Variants in RPL3 observed in about 807,000 individuals in gnomAD.
RPL3 encodes the protein ribosomal protein L3.
A neutral mutation model predicts 46.0 loss-of-function variants in RPL3; 3 were observed. The observed-to-expected ratio is 0.07, with a 90% CI of 0.03 to 0.17. RPL3 has a LOEUF of 0.17. Among genes scored for constraint, RPL3 ranks in the 10% least tolerant of loss-of-function variants. RPL3 has a pLI of 1.00. For synonymous variants in RPL3, 224 were observed against 190.8 expected, an observed-to-expected ratio of 1.17 and a Z score of -1.43; for missense variants, 387 against 532.7, an observed-to-expected ratio of 0.73 and a Z score of 2.69.
rs368072771 is a variant in RPL3, at chr22:39,315,463, G to T, written c.594C>A (p.Arg198=). ...CAGGTACCTGCTGCTCAAGCCTCTC[G>T]CGGGCCCAGTCCAGCTTCTCGGCCA... ...GTVAEKLDWA[R]ERLEQQVPVN... is the part of the protein sequence containing the mutation. The change falls in exon 5 of 10, where the codon CGC becomes CGA. Residue 198 remains arginine, a synonymous_variant. Transcript: ENST00000216146. 1 of 1,613,874 alleles carries T rather than the reference G, an allele frequency of 6.2e-7. No homozygotes were observed.
Position 39,318,933 on chromosome 22 carries a change from G to A in RPL3, c.4-341C>T, listed in dbSNP as rs1277469380. ...AATTAGCAAGGTTTTGACCGCTAAA[G>A]AAAGGGACTCCCGGGACAAACGCTG... is the stretch of plus-strand genomic sequence containing the variant. On this transcript the variant is annotated intron_variant, in intron 1 of 9. Transcript: ENST00000216146. The A allele has an allele frequency of 4.2e-5, 21 of 502,668 alleles. 1 individual carries two copies. Among genetic ancestry groups the A allele is most frequent in the South Asian group, 2.8e-4 (19 of 67,328 alleles). 31.1% of individuals were successfully genotyped at this position (502,668 alleles called of 1,614,324 possible). A position where few individuals can be genotyped will look rare whatever the true frequency, so the allele number is the denominator to read the frequency against.
In RPL3 at chr22:39,315,462, C is replaced by T. The variant is rs748725995; in HGVS notation, c.595G>A (p.Glu199Lys). 1.9e-5 allele frequency: 30 copies of T among 1,613,938 alleles called. No homozygotes were observed. Among genetic ancestry groups the T allele is most frequent in the Non-Finnish European group, 2.2e-5 (26 of 1,180,050 alleles). ...TVAEKLDWAR[E>K]RLEQQVPVNQ... ...ACAGGTACCTGCTGCTCAAGCCTCT[C>T]GCGGGCCCAGTCCAGCTTCTCGGCC... The change falls in exon 5 of 10, where the codon GAG becomes AAG. Residue 199 changes from glutamate to lysine, a missense_variant. Around this residue, in one of 5 missense-constraint regions of RPL3, gnomAD observed 48 missense variants for 80.7 expected, o/e 0.60. Coordinates refer to ENST00000216146, the MANE Select transcript of RPL3 (RefSeq NM_000967.4).
At chr22:39,314,063 C>A in intron 7 of RPL3, 44 bp downstream of exon 7, 1 of 1,541,124 alleles carries the variant, frequency 6.5e-7, no homozygotes, top group East Asian at 2.2e-5. Flanking sequence ...CCCAAAAGCA[C>A]GAGGCCTGGG....
At chr22:39,319,108 T>C (rs745903905) in intron 1 of RPL3, 1 of 538,804 alleles carries the variant, frequency 1.9e-6, no homozygotes, top group Non-Finnish European at 3.8e-6. Context: ...AAGTTCATCA[T>C]CTGTGGTTTC....
chr22:39,316,960 A>C lies in RPL3; in HGVS notation c.366-119T>G, dbSNP rs1329088996. On this transcript the variant is annotated intron_variant, in intron 3 of 9. Transcript: ENST00000216146. ...GGATGGAGCTCATTGCCGGCTTCTA[A>C]GGAGCCTTTTCCACCAGCAAGCGGA... 2.6e-6 allele frequency: 4 copies of C among 1,537,222 alleles called. No homozygotes were observed. The East Asian group carries it at 6.7e-5, about 26-fold the overall frequency.
intron 3 of RPL3, chr22:39,317,136 A>G (rs1018571020): frequency 6.8e-6 from 4 of 585,766 alleles, no homozygotes; most frequent in South Asian, 2.0e-5. Flanking sequence ...GAAATGGGAC[A>G]TTCCACCCAG....
Position 39,314,264 on chromosome 22 carries a change from T to C in RPL3, c.850-56A>G, listed in dbSNP as rs149864711. On this transcript the variant is annotated intron_variant, in intron 6 of 9. Transcript: ENST00000216146. The stretch of plus-strand genomic sequence containing the variant: ...GCATTAGGGACAAATAACCCAGACA[T>C]GCCAGTGTGCTGACCTGCAAAGCAC... 6.4e-3 allele frequency: 9,389 copies of C among 1,471,244 alleles called. 483 individuals are homozygous for C. The South Asian group carries it at 0.09, about 14-fold the overall frequency. 91.1% of individuals were successfully genotyped at this position (1,471,244 alleles called of 1,614,324 possible).
chr22:39,313,529 C>T (rs1242487660), intron 8 of RPL3, 105 bp downstream of exon 8: 37 of 1,283,320 alleles, frequency 2.9e-5, no homozygotes, highest in Non-Finnish European at 4.0e-5. Flanking sequence ...GGACTGCCAA[C>T]ACCCTCTCCT....
intron 9 of RPL3, 57 bp downstream of exon 9, chr22:39,313,134 G>A: frequency 6.3e-7 from 1 of 1,599,104 alleles, no homozygotes; most frequent in Non-Finnish European, 8.5e-7. Context: ...TGGAGCCAAA[G>A]GCAGGCGGCT....
intron 8 of RPL3, 109 bp downstream of exon 8, chr22:39,313,525 C>T: frequency 7.9e-7 from 1 of 1,271,500 alleles, no homozygotes; most frequent in Non-Finnish European, 1.1e-6. Flanking sequence ...GAAAGGACTG[C>T]CAACACCCTC....
chr22:39,314,961 T>C (rs1426341701), intron 5 of RPL3, 115 bp from the exon 6 acceptor site: 6 of 1,401,224 alleles, frequency 4.3e-6, no homozygotes, highest in Non-Finnish European at 5.9e-6. Context: ...ATAAGATTAT[T>C]TCATGTGCAT....
intron 8 of RPL3, 110 bp downstream of exon 8, chr22:39,313,524 G>A (rs544981843): frequency 1.4e-5 from 18 of 1,267,246 alleles, no homozygotes; most frequent in Admixed American, 1.1e-4. Context: ...TGAAAGGACT[G>A]CCAACACCCT....
chr22:39,313,589 TC>T, intron 8 of RPL3, 44 bp downstream of exon 8: 1 of 1,576,424 alleles, frequency 6.3e-7, no homozygotes, highest in South Asian at 1.1e-5. Flanking sequence ...CCTTGGATCC[TC>T]CCTCTACAAG....
chr22:39,317,477 G>A lies in RPL3; in HGVS notation c.349C>T (p.Arg117Cys), dbSNP rs11547984. Residue 117 changes from arginine to cysteine, a missense_variant, in exon 3 of 10, where the codon CGT becomes TGT. Around this residue, in one of 5 missense-constraint regions of RPL3, gnomAD observed 196 missense variants for 217.5 expected, o/e 0.90. Transcript: ENST00000216146. ...CTCCCTTACCAATTCTTATAGAAAC[G>A]CCTCTTGCATTCATCACTGATGTGC... ...AEHISDECKRRFYKNWHKSKK... is the reference protein window; with the variant it reads ...AEHISDECKRCFYKNWHKSKK... 2.8e-5 allele frequency: 45 copies of A among 1,613,614 alleles called. No homozygotes were observed. The highest frequency in any genetic ancestry group is 3.8e-5 in the Non-Finnish European group (45 of 1,179,658).
At chr22:39,313,391 G>A in intron 8 of RPL3, 81 bp from the exon 9 acceptor site, 2 of 1,580,076 alleles carry the variant, frequency 1.3e-6, no homozygotes, top group Non-Finnish European at 1.7e-6. Context: ...CCCTGCATCT[G>A]GGAAGCCACA....
intron 5 of RPL3, 134 bp downstream of exon 5, chr22:39,315,235 T>C (rs769961443): frequency 9.6e-6 from 12 of 1,255,390 alleles, no homozygotes; most frequent in South Asian, 1.2e-5. Flanking sequence ...AGGAAGGCAG[T>C]AGAGAATGGT....
In RPL3 at chr22:39,319,612, C is replaced by T. The variant is rs777993944; in HGVS notation, c.-15G>A. 7.1e-6 allele frequency: 11 copies of T among 1,554,510 alleles called. 1 individual carries two copies. Among genetic ancestry groups the T allele is most frequent in the South Asian group, 7.0e-5 (6 of 85,122 alleles). On this transcript the variant is annotated 5_prime_UTR_variant, in exon 1 of 10. Coordinates refer to ENST00000216146, the MANE Select transcript of RPL3 (RefSeq NM_000967.4). ...ACACATACCATCACGCCATCAAATC[C>T]CGCCGGTAGAGGCCGGTCGGCCTTA...
intron 4 of RPL3, 111 bp from the exon 5 acceptor site, chr22:39,315,666 T>C: frequency 7.7e-7 from 1 of 1,300,262 alleles, no homozygotes; most frequent in Non-Finnish European, 1.1e-6. Flanking sequence ...AAAAAGCCAG[T>C]AACTCTGAAC....
chr22:39,317,019 G>C (rs1922743369), intron 3 of RPL3, 178 bp from the exon 4 acceptor site: 3 of 865,618 alleles, frequency 3.5e-6, no homozygotes, highest in East Asian at 2.6e-5. Flanking sequence ...GAGCCGAGCG[G>C]AGCTGAGCAG....
Sources: allele counts gnomAD v4.1 joint callset, GRCh38; gene constraint gnomAD v4.1.1; regional missense constraint gnomAD v4.1.1; transcripts MANE v1.5; gene names NCBI Gene and HGNC (gene_info 2026-07-23, HGNC 2026-07-21).